CRYBG2: variants seen among roughly 807,000 people sequenced by gnomAD.
CRYBG2 encodes crystallin beta-gamma domain containing 2.
A neutral mutation model predicts 153.4 loss-of-function variants in CRYBG2; 106 were observed. The ratio of observed to expected loss-of-function variants is 0.69; its 90% CI spans 0.59 to 0.81. The LOEUF (loss-of-function observed/expected upper bound fraction) is 0.81. Ranked by LOEUF, CRYBG2 falls within the 30% of genes least tolerant of loss-of-function variation. The probability of loss-of-function intolerance (pLI) is 0.00; values close to 1 mark genes in which losing one functional copy is unlikely to be tolerated. For missense variants in CRYBG2, 1,996 were observed against 2,112.0 expected (o/e 0.95, Z 1.08); for synonymous variants, 851 against 877.8 (o/e 0.97, Z 0.54).
At position 26,336,971 on chromosome 1, in the gene CRYBG2, C is replaced by A. The variant is rs372233616; in HGVS notation, c.3781G>T (p.Asp1261Tyr). 5.6e-6 allele frequency: 9 copies of A among 1,613,504 alleles called. No homozygotes were observed. The highest frequency in any genetic ancestry group is 6.8e-6 in the Non-Finnish European group (8 of 1,179,866). The change falls in exon 11 of 20, where the codon GAC (aspartate) becomes TAC (tyrosine). Residue 1261 changes from aspartate to tyrosine, a missense_variant. Coordinates refer to ENST00000308182, the MANE Select transcript of CRYBG2 (RefSeq NM_001039775.4). This position sits in a 1 kb window ranked among gnomAD's most constrained non-coding sequence, Gnocchi z 4.9. ...SLRVIRTDFG[D>Y]PAVVLFEAMD... Reference sequence around the variant, plus strand: ...GCCTCAAATAGCACGACGGCCGGGTCCCCGAAGTCCTGGGTCCCCAGGGAC... The same window carrying A: ...GCCTCAAATAGCACGACGGCCGGGTACCCGAAGTCCTGGGTCCCCAGGGAC...
chr1:26,349,790 A>G (rs2074267589), intron 1 of CRYBG2, among the ~76,000 whole-genome samples: 2 of 146,602 alleles, frequency 1.4e-5, no homozygotes, highest in Admixed American at 6.8e-5. Flanking sequence ...ATGAGTGATC[A>G]TGGGAGTAGG....
intron 5 of CRYBG2, among the ~76,000 whole-genome samples, chr1:26,341,176 A>C (rs1484670759): frequency 6.6e-6 from 1 of 151,626 alleles, no homozygotes; most frequent in African/African-American, 2.4e-5. Context: ...GTCTCTGCTA[A>C]AAATACAAAA....
At chr1:26,353,922 G>A (rs1570224762) in intron 1 of CRYBG2, 114 bp downstream of exon 1, 1 of 398,622 alleles carries the variant, frequency 2.5e-6, no homozygotes. Context: ...AGGCAGAGTC[G>A]GCTCAGGGTC....
In CRYBG2 at chr1:26,344,808, A is replaced by G. The variant is rs757484120; in HGVS notation, c.1850T>C (p.Val617Ala). 3 of 1,535,902 alleles carry G rather than the reference A, an allele frequency of 2.0e-6. No homozygotes were observed. In the South Asian group the frequency reaches 3.6e-5, roughly 18 times the overall value. The change falls in exon 2 of 20, where the codon GTG (valine) becomes GCG (alanine). Residue 617 changes from valine to alanine, a missense_variant. Transcript: ENST00000308182. ...GGCAGCAGGAGCACCAGACCCCTGCACCACCTCCTTCTGGGTGGGAGATGA... is the reference window on the plus strand; with the variant it reads ...GGCAGCAGGAGCACCAGACCCCTGCGCCACCTCCTTCTGGGTGGGAGATGA... ...AASSPTQKEV[V>A]QGSGAPAALS...
chr1:26,333,878 GTGTGATCATAGTTTAC>G (rs965473376), intron 14 of CRYBG2, among the ~76,000 whole-genome samples: 4 of 152,198 alleles, frequency 2.6e-5, no homozygotes, highest in African/African-American at 9.7e-5. Context: ...GAGTGCAGTA[GTGTGATCATAGTTTAC>G]TGCAGCCTCC....
intron 5 of CRYBG2, among the ~76,000 whole-genome samples, chr1:26,340,758 A>C (rs1278371285): frequency 6.6e-6 from 1 of 151,642 alleles, no homozygotes; most frequent in Admixed American, 6.6e-5. Context: ...GATTACAGGC[A>C]CCCGCCACCA....
rs1187198963 is a variant in CRYBG2, at chr1:26,344,945, A to T, written c.1713T>A (p.Ala571=). Residue 571 remains alanine, a synonymous_variant, in exon 2 of 20, where the codon GCT becomes GCA. Transcript: ENST00000308182. ...TTGGGGTGGTGGACAAGGCAGCAGGAGCACCAGACCCCTGCACCACCTCCT... is the reference window on the plus strand; with the variant it reads ...TTGGGGTGGTGGACAAGGCAGCAGGTGCACCAGACCCCTGCACCACCTCCT... The part of the protein sequence containing the change: ...TQKEVVQGSG[A]PAALSTTPKE... 6.5e-6 allele frequency: 10 copies of T among 1,538,212 alleles called. No individual in the cohort carries two copies. In the South Asian group the frequency reaches 1.2e-4, roughly 18 times the overall value.
At chr1:26,347,759 G>A (rs1335121218) in intron 1 of CRYBG2, among the ~76,000 whole-genome samples, 1 of 151,964 alleles carries the variant, frequency 6.6e-6, no homozygotes, top group African/African-American at 2.4e-5. Flanking sequence ...CAAAGTGCTC[G>A]GATTACAAGT....
At chr1:26,334,819 C>T (rs911605597) in intron 14 of CRYBG2, among the ~76,000 whole-genome samples, 4 of 151,560 alleles carry the variant, frequency 2.6e-5, no homozygotes, top group Non-Finnish European at 4.4e-5. Flanking sequence ...GCTACTCAGG[C>T]GGCTGAAGCA....
rs1402348842 is a variant in CRYBG2, at chr1:26,336,648, G to T, written c.3996C>A (p.Gly1332=). 7 of 1,551,518 alleles carry T rather than the reference G, an allele frequency of 4.5e-6. No homozygotes were observed. The East Asian group carries it at 1.5e-4, about 32-fold the overall frequency. ...KGVYRNCEDW[G]AGNSTLASLQ... is the part of the protein sequence containing the mutation. ...GCGAGGCGAGGGTGCTGTTGCCAGC[G>T]CCCCAGTCCTCGCAGTTACGATACA... The change falls in exon 12 of 20, where the codon GGC becomes GGA. Residue 1332 remains glycine, a synonymous_variant. Transcript: ENST00000308182. This position sits in a 1 kb window ranked among gnomAD's most constrained non-coding sequence, Gnocchi z 4.9.
intron 1 of CRYBG2, among the ~76,000 whole-genome samples, chr1:26,353,014 C>T (rs1367365751): frequency 6.6e-6 from 1 of 152,146 alleles, no homozygotes; most frequent in Non-Finnish European, 1.5e-5. Context: ...GGAGCCCACA[C>T]AGCAACCTCA....
rs1231607023 is a variant in CRYBG2, at chr1:26,346,669, G to A, written c.-12C>T. 6.6e-7 allele frequency: 1 copy of A among 1,523,288 alleles called. No homozygotes were observed. The highest frequency in any genetic ancestry group is 2.5e-5 in the East Asian group (1 of 40,708). The allele number at this position is 1,523,288 out of a possible 1,614,324, so 94.4% of individuals were successfully genotyped here. On this transcript the variant is annotated 5_prime_UTR_variant, in exon 2 of 20. Coordinates refer to ENST00000308182, the MANE Select transcript of CRYBG2 (RefSeq NM_001039775.4). The surrounding 1 kb of genome is among the most constrained non-coding windows in gnomAD (Gnocchi z 4.9). ...CCTGCCTCCTCCATGTGGGGCCCTG[G>A]CAACCTGTCTGGAGGTGTCCTTGTC...
At chr1:26,340,649 G>C (rs1570193729) in intron 5 of CRYBG2, among the ~76,000 whole-genome samples, 1 of 151,874 alleles carries the variant, frequency 6.6e-6, no homozygotes, top group Non-Finnish European at 1.5e-5. Context: ...TTTTGCTCTT[G>C]TTGCCCAGGC....
At chr1:26,339,231 C>A in intron 6 of CRYBG2, 59 bp downstream of exon 6, 1 of 1,568,320 alleles carries the variant, frequency 6.4e-7, no homozygotes, top group Non-Finnish European at 8.6e-7. Context: ...ACCTCTGTGT[C>A]CCCAGCACCC....
At chr1:26,328,185 C>T (rs368753643) in intron 17 of CRYBG2, 24 bp downstream of exon 17, 2 of 1,556,774 alleles carry the variant, frequency 1.3e-6, no homozygotes, top group Non-Finnish European at 1.7e-6. Context: ...CCCAGACACG[C>T]TCAGCTCCAG....
At position 26,343,890 on chromosome 1, in the gene CRYBG2, G is replaced by A. The variant is rs1185235178; in HGVS notation, c.2768C>T (p.Pro923Leu). 1.8e-5 allele frequency: 28 copies of A among 1,525,770 alleles called. No individual in the cohort carries two copies. The highest frequency in any genetic ancestry group is 1.7e-4 in the East Asian group (7 of 40,724). The allele number at this position is 1,525,770 out of a possible 1,614,324, so 94.5% of individuals were successfully genotyped here. A position where few individuals can be genotyped will look rare whatever the true frequency, so the allele number is the denominator to read the frequency against. The change falls in exon 2 of 20, where the codon CCG becomes CTG. Residue 923 changes from proline (P) to leucine (L), a missense_variant. Transcript: ENST00000308182. The surrounding 1 kb of genome is among the most constrained non-coding windows in gnomAD (Gnocchi z 4.1). ...LVPTAKEAST[P>L]EPLGTKLSAL... ...AGATAGTTTTGTGCCCAGCGGTTCCGGGGTGGAGGCCTCCTTGGCGGTAGG... is the reference window on the plus strand; with the variant it reads ...AGATAGTTTTGTGCCCAGCGGTTCCAGGGTGGAGGCCTCCTTGGCGGTAGG...
intron 14 of CRYBG2, among the ~76,000 whole-genome samples, chr1:26,332,518 G>T: frequency 6.6e-6 from 1 of 151,790 alleles, no homozygotes; most frequent in East Asian, 1.9e-4. Context: ...TGTTGTTGTT[G>T]TTGTTGAGAT....
intron 5 of CRYBG2, among the ~76,000 whole-genome samples, chr1:26,340,832 G>A (rs1226791496): frequency 2.0e-5 from 3 of 151,722 alleles, no homozygotes; most frequent in Non-Finnish European, 4.4e-5. Context: ...GGCCAGGCTG[G>A]TCTTGAATTC....
chr1:26,339,233 C>T, intron 6 of CRYBG2, 57 bp downstream of exon 6: 2 of 1,570,930 alleles, frequency 1.3e-6, no homozygotes, highest in Non-Finnish European at 1.7e-6. Flanking sequence ...CTCTGTGTCC[C>T]CAGCACCCAG....
Sources: allele counts gnomAD v4.1 joint callset (sites outside exome capture counted in the v4.1 genomes callset), GRCh38; gene constraint gnomAD v4.1.1; non-coding constraint Gnocchi (gnomAD v3.1); transcripts MANE v1.5; gene names NCBI Gene and HGNC (gene_info 2026-07-23, HGNC 2026-07-21).